The following DEUP1 variants were observed in gnomAD, a reference collection of about 807,000 sequenced individuals.
DEUP1 encodes the protein coiled-coil domain containing 67.
DEUP1 carries 82 observed loss-of-function variants against 87.4 expected under a neutral mutation model. That is an observed-to-expected ratio of 0.94 (90% CI 0.78 to 1.13). DEUP1 has a LOEUF of 1.13. Ranked by LOEUF, DEUP1 falls within the 50% of genes most tolerant of loss-of-function variation. The pLI is 0.00. For missense variants in DEUP1, 663 were observed against 681.5 expected (o/e 0.97, Z 0.30); for synonymous variants, 214 against 222.7 (o/e 0.96, Z 0.35).
At chr11:93,357,351 A>G (rs535491468) in intron 4 of DEUP1, 21 of 190,502 alleles carry the variant, frequency 1.1e-4, no homozygotes, top group African/African-American at 4.0e-4. Context: ...ACAACAAAAA[A>G]CAATTATTTT....
intron 2 of DEUP1, among the ~76,000 whole-genome samples, chr11:93,346,558 G>GT (rs1348284107): frequency 2.6e-5 from 4 of 151,982 alleles, no homozygotes; most frequent in East Asian, 3.9e-4. Flanking sequence ...ACTTCTTTCT[G>GT]TTTTTTTCTA....
chr11:93,347,258 G>C lies in DEUP1; in HGVS notation c.30-8113G>C, dbSNP rs1333264349. The stretch of plus-strand genomic sequence containing the variant: ...CTGAATTTTACTGAAAGCCTTTTCT[G>C]CATCTACTGAGATAATCATGTGGTT... On this transcript the variant is annotated intron_variant, in intron 2 of 13. Transcript: ENST00000298050. Among the ~76,000 whole-genome samples the C allele has an allele frequency of 2.0e-5, 3 of 152,280 alleles. No homozygotes were observed. In the East Asian group the frequency reaches 5.8e-4, roughly 29 times the overall value.
At chr11:93,335,082 T>A (rs1565287175) in intron 2 of DEUP1, among the ~76,000 whole-genome samples, 1 of 152,256 alleles carries the variant, frequency 6.6e-6, no homozygotes, top group Non-Finnish European at 1.5e-5. Flanking sequence ...AGCACAGCTT[T>A]GCTGCCTGCC....
At chr11:93,346,081 C>G (rs71480669) in intron 2 of DEUP1, among the ~76,000 whole-genome samples, 2,241 of 152,252 alleles carry the variant, frequency 0.015, 17 homozygotes, top group Non-Finnish European at 0.024. Flanking sequence ...TATGGCTAGC[C>G]AGTTCTCCCA....
intron 11 of DEUP1, among the ~76,000 whole-genome samples, chr11:93,400,103 CA>C (rs1947069247): frequency 6.6e-6 from 1 of 152,092 alleles, no homozygotes; most frequent in East Asian, 1.9e-4. Context: ...CTATGGTTAA[CA>C]GATTCCCCAA....
intron 2 of DEUP1, among the ~76,000 whole-genome samples, chr11:93,346,020 G>A (rs926330018): frequency 1.3e-4 from 20 of 151,774 alleles, no homozygotes; most frequent in East Asian, 1.9e-4. Context: ...TACAGCTTGA[G>A]TTAATTTTTG....
chr11:93,356,394 C>A (rs943517069), intron 3 of DEUP1, among the ~76,000 whole-genome samples: 1 of 152,094 alleles, frequency 6.6e-6, no homozygotes. Context: ...ATGCATTCTT[C>A]TTCTTTTAGC....
chr11:93,400,184 A>G (rs1947070968), intron 11 of DEUP1, among the ~76,000 whole-genome samples: 1 of 152,178 alleles, frequency 6.6e-6, no homozygotes, highest in South Asian at 2.1e-4. Context: ...GGGCTGCTGT[A>G]ACAAAGTACC....
At position 93,332,288 on chromosome 11, in the gene DEUP1, G is replaced by A; in HGVS notation, c.29G>A (p.Gly10Glu). The A allele has an allele frequency of 1.2e-6, 2 of 1,606,636 alleles. No individual in the cohort carries two copies. Among genetic ancestry groups the A allele is most frequent in the Non-Finnish European group, 8.5e-7 (1 of 1,175,798 alleles). The stretch of plus-strand genomic sequence containing the variant: ...GAGAACCAAGCCCATAATACGATGG[G>A]GTAAGTGCTGAGAAATTTCTGTTTA... Reference protein sequence around the residue: MENQAHNTMGTSPCEAELQE... With the variant: MENQAHNTMETSPCEAELQE... The change falls in exon 2 of 14, where the codon GGA (glycine) becomes GAA (glutamate). Residue 10 changes from glycine (G) to glutamate (E), a missense_variant and splice_region_variant. Coordinates refer to ENST00000298050, the MANE Select transcript of DEUP1 (RefSeq NM_181645.4).
At chr11:93,350,530 C>T (rs1944573829) in intron 2 of DEUP1, among the ~76,000 whole-genome samples, 1 of 152,186 alleles carries the variant, frequency 6.6e-6, no homozygotes, top group Admixed American at 6.5e-5. Flanking sequence ...TATTGAAAAA[C>T]AGGTCACAAA....
intron 13 of DEUP1, among the ~76,000 whole-genome samples, chr11:93,415,832 A>G (rs1016445098): frequency 2.6e-5 from 4 of 151,864 alleles, no homozygotes; most frequent in Non-Finnish European, 5.9e-5. Context: ...TTGTTTCTCT[A>G]TACTAATCTA....
intron 6 of DEUP1, among the ~76,000 whole-genome samples, chr11:93,370,721 C>A (rs1036450781): frequency 6.6e-6 from 1 of 152,082 alleles, no homozygotes; most frequent in Admixed American, 6.5e-5. Context: ...TGGTTATAGA[C>A]TTTTTTCAAC....
Position 93,414,546 on chromosome 11 carries a change from G to A in DEUP1, c.1524-454G>A, listed in dbSNP as rs948688441. On this transcript the variant is annotated intron_variant, in intron 12 of 13. Coordinates refer to ENST00000298050, the MANE Select transcript of DEUP1 (RefSeq NM_181645.4). The stretch of plus-strand genomic sequence containing the variant: ...AATAAATAAATAAAATAAAAGACTT[G>A]TTTAGCATAAAAAATAGTATAATTC... Among the ~76,000 whole-genome samples, 111 of 151,914 alleles carry A rather than the reference G, an allele frequency of 7.3e-4. 1 individual carries two copies. The highest frequency in any genetic ancestry group is 2.5e-3 in the African/African-American group (105 of 41,486).
Position 93,364,284 on chromosome 11 carries a change from A to C in DEUP1, c.422A>C (p.Gln141Pro). 1.2e-6 allele frequency: 2 copies of C among 1,608,188 alleles called. No individual in the cohort carries two copies. The highest frequency in any genetic ancestry group is 1.7e-6 in the Non-Finnish European group (2 of 1,175,796). Residue 141 changes from glutamine to proline, a missense_variant, in exon 5 of 14, where the codon CAG becomes CCG. Coordinates refer to ENST00000298050, the MANE Select transcript of DEUP1 (RefSeq NM_181645.4). ...EIPFELSNLNQKLEEFRAKSR... is the reference protein window; with the variant it reads ...EIPFELSNLNPKLEEFRAKSR... The stretch of plus-strand genomic sequence containing the variant: ...CCCTTTGAACTGAGCAATTTGAACC[A>C]GAAATTAGAGGTGAGATATATTATC...
intron 2 of DEUP1, among the ~76,000 whole-genome samples, chr11:93,348,028 C>T (rs1024035547): frequency 3.9e-5 from 6 of 152,198 alleles, no homozygotes; most frequent in African/African-American, 1.2e-4. Flanking sequence ...GCATGAGCCA[C>T]CGCACCCGGC....
At chr11:93,364,354 G>T in intron 5 of DEUP1, 60 bp downstream of exon 5, 1 of 1,469,146 alleles carries the variant, frequency 6.8e-7, no homozygotes, top group Non-Finnish European at 9.5e-7. Flanking sequence ...ATTGTTGTGG[G>T]CTATTTGTCT....
intron 8 of DEUP1, among the ~76,000 whole-genome samples, chr11:93,385,762 T>C (rs1377284772): frequency 4.6e-5 from 7 of 152,312 alleles, no homozygotes. Flanking sequence ...TCCTGATTTA[T>C]GGATATTTCT....
chr11:93,342,199 G>A (rs1944115448), intron 2 of DEUP1, among the ~76,000 whole-genome samples: 2 of 152,188 alleles, frequency 1.3e-5, no homozygotes, highest in Admixed American at 6.5e-5. Context: ...TATGGGAATA[G>A]GAAGTGAAAC....
intron 12 of DEUP1, among the ~76,000 whole-genome samples, chr11:93,409,138 T>G (rs1023243137): frequency 3.0e-4 from 46 of 152,190 alleles, no homozygotes; most frequent in Non-Finnish European, 6.2e-4. Context: ...ATTACAGGCG[T>G]GAGCCACCAC....
Sources: gnomAD v4.1 joint callset for allele counts (sites outside exome capture counted in the v4.1 genomes callset) on GRCh38, gnomAD v4.1.1 for gene constraint, MANE v1.5 for transcripts, NCBI Gene and HGNC (gene_info 2026-07-23, HGNC 2026-07-21) for gene names.